The following SORCS3 variants were observed in gnomAD, a reference collection of about 807,000 sequenced individuals.
SORCS3 encodes the protein sortilin related VPS10 domain containing receptor 3.
In SORCS3, 57 loss-of-function variants were observed where a neutral mutation model predicts 146.3. That is an observed-to-expected ratio of 0.39 (90% confidence interval 0.31 to 0.49). The LOEUF is 0.49. Ranked by LOEUF, SORCS3 falls within the 20% of genes least tolerant of loss-of-function variation. The probability of loss-of-function intolerance (pLI) is 0.92; values close to 1 mark genes in which losing one functional copy is unlikely to be tolerated. For synonymous variants in SORCS3, 653 were observed against 618.5 expected, an observed-to-expected ratio of 1.06 and a Z score of -0.83; for missense variants, 1,341 against 1,575.5, an observed-to-expected ratio of 0.85 and a Z score of 2.52.
chr10:104,914,610 G>T (rs1270840627), intron 2 of SORCS3, among the ~76,000 whole-genome samples: 2 of 152,174 alleles, frequency 1.3e-5, no homozygotes, highest in African/African-American at 2.4e-5. Context: ...CTCCATCCAG[G>T]CTAGGCAACA....
At chr10:104,822,679 A>G (rs1384575865) in intron 1 of SORCS3, among the ~76,000 whole-genome samples, 1 of 152,164 alleles carries the variant, frequency 6.6e-6, no homozygotes, top group Non-Finnish European at 1.5e-5. Flanking sequence ...GAGGAGAGCA[A>G]TTCCTCTCAG....
chr10:104,643,613 G>T (rs996723195), intron 1 of SORCS3, among the ~76,000 whole-genome samples: 3 of 152,114 alleles, frequency 2.0e-5, no homozygotes, highest in African/African-American at 7.2e-5. Context: ...AGAGGACTTG[G>T]ATATGTGTGT....
chr10:104,800,408 G>A (rs1404922510), intron 1 of SORCS3, among the ~76,000 whole-genome samples: 3 of 152,170 alleles, frequency 2.0e-5, no homozygotes, highest in Non-Finnish European at 4.4e-5. Flanking sequence ...AATGGTAAGT[G>A]TCATTATACT....
intron 7 of SORCS3, among the ~76,000 whole-genome samples, chr10:105,130,400 C>T (rs149470232): frequency 3.3e-5 from 5 of 152,132 alleles, no homozygotes; most frequent in South Asian, 2.1e-4. Context: ...TAGACCCAAA[C>T]TCTTTGTCCC....
chr10:104,794,993 A>G lies in SORCS3; in HGVS notation c.628-47799A>G, dbSNP rs138090889. On this transcript the variant is annotated intron_variant, in intron 1 of 26. Coordinates refer to ENST00000369701, the MANE Select transcript of SORCS3 (RefSeq NM_014978.3). ...TCTCTTTAGCATTCTATTCTTAGGT[A>G]TATCAGACCCAGTTTCCCGTTTTTA... Among the ~76,000 whole-genome samples, 17 of 152,328 alleles carry G rather than the reference A, an allele frequency of 1.1e-4. No individual in the cohort carries two copies. The East Asian group carries it at 2.5e-3, about 22-fold the overall frequency.
Position 105,167,286 on chromosome 10 carries a change from T to G in SORCS3, c.1838T>G (p.Phe613Cys). Reference sequence around the variant, plus strand: ...TTTGATGAAGAGTACAATGTCTGGTTCCTAGACTGGGGTGGTGCCCTCGTG... The same window carrying G: ...TTTGATGAAGAGTACAATGTCTGGTGCCTAGACTGGGGTGGTGCCCTCGTG... The part of the protein sequence containing the change: ...QIFDEEYNVW[F>C]LDWGGALVAM... Residue 613 changes from phenylalanine (F) to cysteine (C), a missense_variant, in exon 13 of 27, where the codon TTC (phenylalanine) becomes TGC (cysteine). Phe to Cys is a radical substitution (Grantham distance 205, BLOSUM62 -2). Coordinates refer to ENST00000369701, the MANE Select transcript of SORCS3 (RefSeq NM_014978.3). The G allele has an allele frequency of 6.2e-7, 1 of 1,613,460 alleles. No individual in the cohort carries two copies. Among genetic ancestry groups the G allele is most frequent in the Non-Finnish European group, 8.5e-7 (1 of 1,179,542 alleles).
At chr10:104,976,774 T>C (rs1412714948) in intron 3 of SORCS3, among the ~76,000 whole-genome samples, 2 of 152,008 alleles carry the variant, frequency 1.3e-5, no homozygotes, top group Admixed American at 1.3e-4. Flanking sequence ...ATGGATGAAA[T>C]TGGAAATCAT....
Position 104,641,756 on chromosome 10 carries a change from G to C in SORCS3, c.429G>C (p.Gly143=). The part of the protein sequence containing the change: ...RAQPPITQER[G]DAWATAPADG... ...AGCCCCCAATCACCCAGGAACGCGG[G>C]GACGCCTGGGCCACTGCTCCGGCCG... The change falls in exon 1 of 27, where the codon GGG becomes GGC. Residue 143 remains glycine (G), a synonymous_variant. Transcript: ENST00000369701. The surrounding 1 kb of genome is among the most constrained non-coding windows in gnomAD (Gnocchi z 6.4). 6.5e-7 allele frequency: 1 copy of C among 1,546,258 alleles called. No homozygotes were observed. Among genetic ancestry groups the C allele is most frequent in the East Asian group, 2.5e-5 (1 of 40,610 alleles).
chr10:104,987,899 T>A (rs1441268485), intron 4 of SORCS3, among the ~76,000 whole-genome samples: 1 of 152,198 alleles, frequency 6.6e-6, no homozygotes, highest in East Asian at 1.9e-4. Context: ...ACAATTCTAA[T>A]GCATTGAGCT....
At chr10:105,087,268 T>G (rs2055668376) in intron 5 of SORCS3, among the ~76,000 whole-genome samples, 1 of 152,198 alleles carries the variant, frequency 6.6e-6, no homozygotes, top group Non-Finnish European at 1.5e-5. Flanking sequence ...GAGGCCTCTC[T>G]TCTGTTCCAT....
chr10:104,832,873 A>T (rs2018016960), intron 1 of SORCS3, among the ~76,000 whole-genome samples: 1 of 152,214 alleles, frequency 6.6e-6, no homozygotes, highest in South Asian at 2.1e-4. Flanking sequence ...GTCCTCCTGG[A>T]TATGATAAGG....
chr10:105,235,671 C>T (rs1280362573), intron 20 of SORCS3, among the ~76,000 whole-genome samples: 1 of 151,952 alleles, frequency 6.6e-6, no homozygotes, highest in East Asian at 1.9e-4. Context: ...CATCCTTACT[C>T]CTGCATAAGT....
Position 105,193,790 on chromosome 10 carries a change from T to C in SORCS3, c.2010-6209T>C, listed in dbSNP as rs1246876986. Among the ~76,000 whole-genome samples, 6 of 152,150 alleles carry C rather than the reference T, an allele frequency of 3.9e-5. No homozygotes were observed. In the East Asian group the frequency reaches 9.6e-4, roughly 24 times the overall value. On this transcript the variant is annotated intron_variant, in intron 14 of 26. Transcript: ENST00000369701. ...TCCCTGCCCAGTACTCTTGCGACCA[T>C]GCCCAGACCACCCATATGTTAACAA...
intron 4 of SORCS3, among the ~76,000 whole-genome samples, chr10:104,989,417 A>G (rs2054981379): frequency 6.6e-6 from 1 of 152,218 alleles, no homozygotes; most frequent in East Asian, 1.9e-4. Context: ...GGGCATAGGA[A>G]TTTCAGAACT....
intron 5 of SORCS3, among the ~76,000 whole-genome samples, chr10:105,053,357 G>A (rs1453849699): frequency 6.6e-6 from 1 of 151,956 alleles, no homozygotes; most frequent in Non-Finnish European, 1.5e-5. Context: ...AGCAGAAGTG[G>A]CTAAGGCTTG....
At chr10:105,042,499 T>C (rs1009958517) in intron 4 of SORCS3, among the ~76,000 whole-genome samples, 4 of 152,126 alleles carry the variant, frequency 2.6e-5, no homozygotes, top group African/African-American at 9.7e-5. Context: ...TGCTGGCTTA[T>C]CCCTAAGGTG....
intron 7 of SORCS3, among the ~76,000 whole-genome samples, chr10:105,106,941 C>T (rs543407630): frequency 6.6e-5 from 10 of 152,292 alleles, no homozygotes; most frequent in East Asian, 1.9e-4. Context: ...TGCCCTTGAC[C>T]TGCTTCTCTA....
chr10:104,939,990 G>A (rs1344878012), intron 3 of SORCS3, among the ~76,000 whole-genome samples: 1 of 151,566 alleles, frequency 6.6e-6, no homozygotes, highest in Admixed American at 6.6e-5. Flanking sequence ...AAATAATTTT[G>A]GGGTGAGTTC....
intron 6 of SORCS3, among the ~76,000 whole-genome samples, chr10:105,097,750 A>G (rs1169199743): frequency 6.6e-6 from 1 of 152,196 alleles, no homozygotes; most frequent in Non-Finnish European, 1.5e-5. Flanking sequence ...AGCAGTAACA[A>G]CAGAGAGTAC....
Sources: gnomAD v4.1 joint callset for allele counts (sites outside exome capture counted in the v4.1 genomes callset) on GRCh38, gnomAD v4.1.1 for gene constraint, Gnocchi (gnomAD v3.1) non-coding constraint, MANE v1.5 for transcripts, NCBI Gene and HGNC (gene_info 2026-07-23, HGNC 2026-07-21) for gene names.